The following FAM13A variants were observed in gnomAD, a reference collection of about 807,000 sequenced individuals.
The protein encoded by FAM13A is protein FAM13A.
Under a neutral mutation model 129.6 loss-of-function variants are expected in FAM13A, and 76 were observed. That is an observed-to-expected ratio of 0.59 (90% confidence interval 0.49 to 0.71). FAM13A has a LOEUF of 0.71. Ranked by LOEUF, FAM13A falls within the 30% of genes least tolerant of loss-of-function variation. FAM13A has a pLI of 0.00. For missense variants in FAM13A, 1,108 were observed against 1,249.3 expected (o/e 0.89, Z 1.70); for synonymous variants, 443 against 449.9 (o/e 0.98, Z 0.20).
chr4:88,735,831 T>G (rs1738869727), intron 21 of FAM13A, among the ~76,000 whole-genome samples: 2 of 152,142 alleles, frequency 1.3e-5, no homozygotes, highest in South Asian at 4.1e-4. Context: ...GGCCAGGAGA[T>G]AAACCACAGC....
chr4:88,750,377 G>C (rs1457945950), intron 15 of FAM13A, 47 bp downstream of exon 15: 1 of 1,454,326 alleles, frequency 6.9e-7, no homozygotes, highest in African/African-American at 1.4e-5. Context: ...CTTTTCTGAT[G>C]TTGTGGGGAT....
At chr4:88,999,041 T>C (rs1297925550) in intron 3 of FAM13A, among the ~76,000 whole-genome samples, 1 of 152,326 alleles carries the variant, frequency 6.6e-6, no homozygotes, top group Non-Finnish European at 1.5e-5. Context: ...TCTGATTAGA[T>C]TCTGCAAAAT....
intron 3 of FAM13A, among the ~76,000 whole-genome samples, chr4:89,019,849 C>G (rs915876790): frequency 2.7e-5 from 4 of 147,282 alleles, no homozygotes; most frequent in Non-Finnish European, 6.0e-5. Context: ...ACGAAATGAA[C>G]AAAATTATTT....
intron 6 of FAM13A, among the ~76,000 whole-genome samples, chr4:88,893,638 G>GAATA (rs1167502627): frequency 0.016 from 1,834 of 111,980 alleles, 10 homozygotes; most frequent in Middle Eastern, 0.028. Context: ...ATGAATGAAT[G>GAATA]AATGAATAAA....
chr4:88,996,614 G>A (rs1244474570), intron 3 of FAM13A, among the ~76,000 whole-genome samples: 2 of 152,196 alleles, frequency 1.3e-5, no homozygotes, highest in Non-Finnish European at 2.9e-5. Context: ...TCTAGCAGGT[G>A]AGACATTAGG....
intron 6 of FAM13A, among the ~76,000 whole-genome samples, chr4:88,854,410 T>C (rs1225451375): frequency 6.6e-6 from 1 of 152,304 alleles, no homozygotes; most frequent in Admixed American, 6.5e-5. Context: ...GCCTCTCTCA[T>C]AACATGTGGC....
chr4:89,021,901 TA>T (rs553767547), intron 2 of FAM13A, among the ~76,000 whole-genome samples: 67 of 151,902 alleles, frequency 4.4e-4, no homozygotes, highest in Middle Eastern at 3.4e-3. Context: ...AAGATAAGAT[TA>T]GGGGGTAGGG....
intron 3 of FAM13A, among the ~76,000 whole-genome samples, chr4:88,991,997 A>G (rs954991386): frequency 6.6e-6 from 1 of 152,188 alleles, no homozygotes; most frequent in East Asian, 1.9e-4. Flanking sequence ...GCCTGCCTTC[A>G]GCAAGAAACT....
At chr4:88,832,281 T>C (rs1391290158) in intron 7 of FAM13A, among the ~76,000 whole-genome samples, 1 of 151,914 alleles carries the variant, frequency 6.6e-6, no homozygotes, top group African/African-American at 2.4e-5. Flanking sequence ...AACTATAAAA[T>C]CCCTAGAAGA....
At chr4:89,023,492 A>G (rs1767553631) in intron 2 of FAM13A, among the ~76,000 whole-genome samples, 1 of 150,864 alleles carries the variant, frequency 6.6e-6, no homozygotes, top group Non-Finnish European at 1.5e-5. Context: ...GGTTTTTTTG[A>G]ACCTTCCCCC....
At chr4:88,885,255 C>G (rs971872668) in intron 6 of FAM13A, among the ~76,000 whole-genome samples, 1 of 152,104 alleles carries the variant, frequency 6.6e-6, no homozygotes, top group African/African-American at 2.4e-5. Context: ...TACCCAACCT[C>G]AAACTATACT....
At chr4:89,034,075 C>T (rs185929272) in intron 1 of FAM13A, among the ~76,000 whole-genome samples, 28 of 152,182 alleles carry the variant, frequency 1.8e-4, no homozygotes, top group Middle Eastern at 6.8e-3. Flanking sequence ...CAAAATATAA[C>T]AATTTGGGAC....
intron 5 of FAM13A, among the ~76,000 whole-genome samples, chr4:88,933,957 T>A (rs1753447471): frequency 6.6e-6 from 1 of 152,174 alleles, no homozygotes; most frequent in South Asian, 2.1e-4. Context: ...CTTTGTGGCC[T>A]CATTTCGTTT....
chr4:88,887,530 CTTTCTTTTTT>C (rs1744637173), intron 6 of FAM13A, among the ~76,000 whole-genome samples: 2 of 128,756 alleles, frequency 1.6e-5, no homozygotes, highest in African/African-American at 5.7e-5. Context: ...ACCTTTCTTT[CTTTCTTTTTT>C]TTTTTTTTGA....
intron 8 of FAM13A, among the ~76,000 whole-genome samples, chr4:88,796,219 G>A (rs1407729122): frequency 2.6e-5 from 4 of 151,552 alleles, no homozygotes; most frequent in Admixed American, 6.6e-5. Flanking sequence ...TTTCTTAACA[G>A]TATGCACTTG....
chr4:88,940,415 G>A (rs903006240), intron 4 of FAM13A, among the ~76,000 whole-genome samples: 2 of 152,132 alleles, frequency 1.3e-5, no homozygotes, highest in African/African-American at 4.8e-5. Context: ...TTAGCTATAC[G>A]GTTAACATTA....
At chr4:88,981,940 G>A (rs997651197) in intron 4 of FAM13A, among the ~76,000 whole-genome samples, 6 of 152,176 alleles carry the variant, frequency 3.9e-5, no homozygotes, top group African/African-American at 7.2e-5. Context: ...ATTAAGATCC[G>A]AGTCTAGGGT....
intron 3 of FAM13A, among the ~76,000 whole-genome samples, chr4:89,000,432 T>C (rs148201417): frequency 6.6e-6 from 1 of 152,194 alleles, no homozygotes. Flanking sequence ...AAGTACCACA[T>C]ACTGTGTGAT....
At chr4:89,035,155 T>C (rs1026278188) in intron 1 of FAM13A, among the ~76,000 whole-genome samples, 2 of 152,114 alleles carry the variant, frequency 1.3e-5, no homozygotes, top group East Asian at 1.9e-4. Context: ...TTCTCACATA[T>C]AGTGGGAGCG....
Sources: gnomAD v4.1 joint callset for allele counts (sites outside exome capture counted in the v4.1 genomes callset) on GRCh38, gnomAD v4.1.1 for gene constraint, MANE v1.5 for transcripts, NCBI Gene and HGNC (gene_info 2026-07-23, HGNC 2026-07-21) for gene names.